Variants in ARHGEF26 observed in about 807,000 individuals in gnomAD.
ARHGEF26 encodes the protein Rho guanine nucleotide exchange factor 26, also known as Rho guanine nucleotide exchange factor (GEF) 26.
Under a neutral mutation model 89.4 loss-of-function variants are expected in ARHGEF26, and 59 were observed. The ratio of observed to expected loss-of-function variants is 0.66; its 90% CI spans 0.54 to 0.82. ARHGEF26 has a LOEUF of 0.82. Ranked by LOEUF, ARHGEF26 falls within the 40% of genes least tolerant of loss-of-function variation. The probability of loss-of-function intolerance (pLI) is 0.00; values close to 1 mark genes in which losing one functional copy is unlikely to be tolerated. For missense variants in ARHGEF26, 1,234 were observed against 1,085.6 expected (o/e 1.14, Z -1.92); for synonymous variants, 500 against 428.4 (o/e 1.17, Z -2.06).
chr3:154,177,168 A>G (rs1459289080), intron 6 of ARHGEF26, among the ~76,000 whole-genome samples: 1 of 152,224 alleles, frequency 6.6e-6, no homozygotes, highest in Non-Finnish European at 1.5e-5. Flanking sequence ...TGCTACAGAA[A>G]TTTCCCTAAA....
At chr3:154,127,376 A>G (rs1032297893) in intron 3 of ARHGEF26, among the ~76,000 whole-genome samples, 2 of 152,102 alleles carry the variant, frequency 1.3e-5, no homozygotes, top group African/African-American at 4.8e-5. Flanking sequence ...ATTGTAAAAA[A>G]TTTTCATTTT....
chr3:154,218,705 T>C (rs1715932233), intron 10 of ARHGEF26, among the ~76,000 whole-genome samples: 1 of 152,256 alleles, frequency 6.6e-6, no homozygotes, highest in Non-Finnish European at 1.5e-5. Context: ...GTGATCAGCA[T>C]TTCATGGTAT....
intron 11 of ARHGEF26, among the ~76,000 whole-genome samples, chr3:154,236,555 T>C (rs979513810): frequency 2.6e-5 from 4 of 152,238 alleles, no homozygotes; most frequent in Admixed American, 1.3e-4. Flanking sequence ...ATAAACCATA[T>C]GTTTGTTAAA....
At chr3:154,175,007 A>G (rs1432081612) in intron 6 of ARHGEF26, among the ~76,000 whole-genome samples, 1 of 152,168 alleles carries the variant, frequency 6.6e-6, no homozygotes, top group Admixed American at 6.6e-5. Context: ...TGCCCTCCGC[A>G]TGCAAGTCAT....
At chr3:154,181,424 G>A (rs577535544) in intron 6 of ARHGEF26, among the ~76,000 whole-genome samples, 1 of 152,288 alleles carries the variant, frequency 6.6e-6, no homozygotes, top group Non-Finnish European at 1.5e-5. Context: ...TGAGGGAGAC[G>A]TCCAAGAATG....
chr3:154,219,936 C>CAAACAAAAAAA (rs1375057282), intron 10 of ARHGEF26, among the ~76,000 whole-genome samples: 11 of 13,004 alleles, frequency 8.5e-4, no homozygotes, highest in African/African-American at 2.9e-3. Flanking sequence ...AAACAAAAAA[C>CAAACAAAAAAA]AAACAAAAAA....
chr3:154,140,406 A>G (rs774878595), intron 4 of ARHGEF26, among the ~76,000 whole-genome samples: 5 of 152,160 alleles, frequency 3.3e-5, no homozygotes, highest in Non-Finnish European at 7.3e-5. Context: ...ACCTCAAAAG[A>G]TGGATACATG....
chr3:154,229,710 A>G (rs1270962608), intron 11 of ARHGEF26, among the ~76,000 whole-genome samples: 2 of 152,082 alleles, frequency 1.3e-5, no homozygotes, highest in African/African-American at 4.8e-5. Context: ...ACAACCAAAA[A>G]TGTCTCTGGA....
chr3:154,240,623 C>G, intron 12 of ARHGEF26, 44 bp downstream of exon 12: 1 of 1,506,890 alleles, frequency 6.6e-7, no homozygotes, highest in Non-Finnish European at 8.9e-7. Flanking sequence ...GATAGTATCT[C>G]CCTGACCTGA....
intron 4 of ARHGEF26, among the ~76,000 whole-genome samples, chr3:154,130,139 C>T (rs1021445281): frequency 4.2e-5 from 4 of 95,912 alleles, no homozygotes; most frequent in African/African-American, 1.8e-4. Flanking sequence ...TACAATTCTT[C>T]CTTGGAAATT....
At chr3:154,145,980 C>G (rs1719681328) in intron 4 of ARHGEF26, among the ~76,000 whole-genome samples, 1 of 152,058 alleles carries the variant, frequency 6.6e-6, no homozygotes, top group Non-Finnish European at 1.5e-5. Flanking sequence ...ATAATGGACT[C>G]ACGGTCTAAA....
intron 9 of ARHGEF26, among the ~76,000 whole-genome samples, chr3:154,209,641 G>A (rs937176737): frequency 1.3e-5 from 2 of 152,202 alleles, no homozygotes; most frequent in African/African-American, 2.4e-5. Context: ...CTAAAGATGA[G>A]GGTGGAGTGA....
chr3:154,224,830 G>A (rs1310728038), intron 10 of ARHGEF26, among the ~76,000 whole-genome samples: 1 of 152,074 alleles, frequency 6.6e-6, no homozygotes, highest in Admixed American at 6.6e-5. Flanking sequence ...TCTTATAAAA[G>A]CTCTTTATAA....
chr3:154,133,545 CT>C (rs1718814337), intron 4 of ARHGEF26, among the ~76,000 whole-genome samples: 1 of 151,494 alleles, frequency 6.6e-6, no homozygotes, highest in Non-Finnish European at 1.5e-5. Flanking sequence ...TTTCTGGGCT[CT>C]TTTTTCTGTT....
intron 12 of ARHGEF26, among the ~76,000 whole-genome samples, chr3:154,247,206 T>C (rs1717850340): frequency 6.6e-6 from 1 of 152,176 alleles, no homozygotes; most frequent in African/African-American, 2.4e-5. Flanking sequence ...CTCTGTCTCT[T>C]CAGAAATGCA....
intron 12 of ARHGEF26, among the ~76,000 whole-genome samples, chr3:154,248,247 A>G (rs1717914891): frequency 6.6e-6 from 1 of 152,218 alleles, no homozygotes; most frequent in Non-Finnish European, 1.5e-5. Flanking sequence ...CAGAGCTAGA[A>G]GCATAATGAA....
intron 6 of ARHGEF26, among the ~76,000 whole-genome samples, chr3:154,165,489 A>T (rs149424704): frequency 6.6e-6 from 1 of 152,108 alleles, no homozygotes; most frequent in Non-Finnish European, 1.5e-5. Context: ...AATAAAGCAT[A>T]TTTTTCCGGA....
intron 6 of ARHGEF26, 60 bp downstream of exon 6, chr3:154,152,992 T>C: frequency 7.3e-7 from 1 of 1,372,302 alleles, no homozygotes. Context: ...ATAAACACTT[T>C]GTTATCTCTA....
chr3:154,249,052 T>C (rs1717959970), intron 12 of ARHGEF26, among the ~76,000 whole-genome samples: 1 of 152,170 alleles, frequency 6.6e-6, no homozygotes, highest in Non-Finnish European at 1.5e-5. Context: ...GTGTAGGCTG[T>C]AAAAAGAAAC....
Sources: gnomAD v4.1 joint callset for allele counts (sites outside exome capture counted in the v4.1 genomes callset) on GRCh38, gnomAD v4.1.1 for gene constraint, MANE v1.5 for transcripts, NCBI Gene and HGNC (gene_info 2026-07-23, HGNC 2026-07-21) for gene names.